SHANK2: variants seen among roughly 807,000 people sequenced by gnomAD.
SHANK2 encodes the protein SH3 and multiple ankyrin repeat domains protein 2.
A neutral mutation model predicts 133.7 loss-of-function variants in SHANK2; 43 were observed. The observed-to-expected ratio is 0.32, with a 90% confidence interval of 0.25 to 0.41. The LOEUF is 0.41. Among genes scored for constraint, SHANK2 ranks in the 10% least tolerant of loss-of-function variants. The pLI is 1.00. For missense variants in SHANK2, 1,994 were observed against 2,235.8 expected (o/e 0.89, Z 2.18); for synonymous variants, 1,017 against 952.8 (o/e 1.07, Z -1.24).
chr11:70,896,460 C>T (rs757074362), intron 11 of SHANK2, 41 bp downstream of exon 11: 4 of 693,904 alleles, frequency 5.8e-6, no homozygotes, highest in Non-Finnish European at 1.1e-5. Context: ...AGAGCATCTC[C>T]AAACCAAATC....
At chr11:70,902,362 G>A (rs1235905287) in intron 10 of SHANK2, among the ~76,000 whole-genome samples, 1 of 152,216 alleles carries the variant, frequency 6.6e-6, no homozygotes, top group Non-Finnish European at 1.5e-5. Context: ...GAGGGGCGGG[G>A]CCTCCAGGGA....
intron 14 of SHANK2, among the ~76,000 whole-genome samples, chr11:70,743,303 G>A (rs898453416): frequency 6.6e-6 from 1 of 152,234 alleles, no homozygotes; most frequent in Non-Finnish European, 1.5e-5. Context: ...GTGTCTGGAG[G>A]TGGGGGCTTT....
At chr11:70,697,218 C>T (rs1945412462) in intron 15 of SHANK2, among the ~76,000 whole-genome samples, 1 of 152,180 alleles carries the variant, frequency 6.6e-6, no homozygotes, top group African/African-American at 2.4e-5. Flanking sequence ...TGTGAATGTT[C>T]TTAATACCAC....
At chr11:71,234,560 G>A (rs3020024) in intron 1 of SHANK2, among the ~76,000 whole-genome samples, 17,402 of 151,920 alleles carry the variant, frequency 0.11, 2,841 homozygotes, top group African/African-American at 0.36. Flanking sequence ...GCTGGACTCC[G>A]AGTCGGGGGG....
At chr11:70,932,386 C>T (rs7946647) in intron 10 of SHANK2, among the ~76,000 whole-genome samples, 51,087 of 152,220 alleles carry the variant, frequency 0.34, 11,616 homozygotes, top group African/African-American at 0.65. Context: ...AGACCCCCTC[C>T]GCAGCAGAAG....
At chr11:70,883,508 T>A (rs1555072794) in intron 11 of SHANK2, among the ~76,000 whole-genome samples, 1 of 152,034 alleles carries the variant, frequency 6.6e-6, no homozygotes, top group African/African-American at 2.4e-5. Context: ...AGAAATGACA[T>A]GGGCAGGGAC....
chr11:71,177,992 G>A lies in SHANK2; in HGVS notation c.-12-30654C>T, dbSNP rs574840106. Reference sequence around the variant, plus strand: ...TGCACTGCTAGTAGAAATGTAAATGGCGTGGCCACTATGGAAAATAGGATA... The same window carrying A: ...TGCACTGCTAGTAGAAATGTAAATGACGTGGCCACTATGGAAAATAGGATA... On this transcript the variant is annotated intron_variant, in intron 2 of 25. Coordinates refer to ENST00000601538, the MANE Select transcript of SHANK2 (RefSeq NM_012309.5). Among the ~76,000 whole-genome samples the A allele has an allele frequency of 2.0e-5, 3 of 152,330 alleles. No homozygotes were observed. In the South Asian group the frequency reaches 6.2e-4, roughly 32 times the overall value.
chr11:70,789,097 C>T (rs763971273), intron 14 of SHANK2, among the ~76,000 whole-genome samples: 7 of 152,108 alleles, frequency 4.6e-5, no homozygotes, highest in Non-Finnish European at 8.8e-5. Flanking sequence ...GGAGAGTCCA[C>T]GGCAGGGATT....
chr11:70,820,768 C>T (rs1471939399), intron 11 of SHANK2, 86 bp from the exon 12 acceptor site: 10 of 586,858 alleles, frequency 1.7e-5, no homozygotes, highest in Non-Finnish European at 3.0e-5. Context: ...TGCAGGCCTG[C>T]GTGCGTCCAA....
intron 2 of SHANK2, among the ~76,000 whole-genome samples, chr11:71,172,912 A>G (rs1410040614): frequency 6.6e-6 from 1 of 152,252 alleles, no homozygotes; most frequent in African/African-American, 2.4e-5. Flanking sequence ...ATGCACGAGC[A>G]CAGCAAATTC....
At chr11:70,808,534 G>A (rs1555052501) in intron 12 of SHANK2, among the ~76,000 whole-genome samples, 1 of 145,646 alleles carries the variant, frequency 6.9e-6, no homozygotes, top group Non-Finnish European at 1.5e-5. Context: ...AGACTAGCCT[G>A]GGCAACATGA....
chr11:70,600,709 T>C (rs937087012), intron 17 of SHANK2, among the ~76,000 whole-genome samples: 6 of 152,122 alleles, frequency 3.9e-5, no homozygotes, highest in Admixed American at 3.9e-4. Flanking sequence ...ATTCCACCAA[T>C]GCTGCTGGAA....
chr11:71,068,029 C>T lies in SHANK2; in HGVS notation c.1029+7130G>A, dbSNP rs925574196. On this transcript the variant is annotated intron_variant, in intron 9 of 25. Transcript: ENST00000601538. ...CCATCCATATCATCACTAGCATCAT[C>T]GCCACCATCGCCATCACAACCATCA... Among the ~76,000 whole-genome samples, 31 of 152,026 alleles carry T rather than the reference C, an allele frequency of 2.0e-4. No individual in the cohort carries two copies. In the East Asian group the frequency reaches 4.6e-3, roughly 23 times the overall value.
At position 70,599,889 on chromosome 11, in the gene SHANK2, A is replaced by AAGAAAGAAAGAG. The variant is rs376412663; in HGVS notation, c.2061+59938_2061+59939insCTCTTTCTTTCT. 3.5e-4 allele frequency among the ~76,000 whole-genome samples: 26 copies of AAGAAAGAAAGAG among 73,624 alleles called. 2 individuals carry two copies. The highest frequency in any genetic ancestry group is 1.5e-3 in the African/African-American group (26 of 17,256). The allele number at this position is 73,624 out of a possible 152,430, so 48.3% of individuals were successfully genotyped here. On this transcript the variant is annotated intron_variant, in intron 17 of 25. Transcript: ENST00000601538. ...AAAGAAAGAAAGAAAGAAAGAAAGAAAAAGAAAGAAAGAAAGAGAAAGAAA... is the reference window on the plus strand; with the variant it reads ...AAAGAAAGAAAGAAAGAAAGAAAGAAAGAAAGAAAGAGAAAGAAAGAAAGAAAGAGAAAGAAA...
intron 3 of SHANK2, among the ~76,000 whole-genome samples, 187 bp downstream of exon 3, chr11:71,146,933 G>A (rs1952660916): frequency 6.6e-6 from 1 of 152,174 alleles, no homozygotes; most frequent in Non-Finnish European, 1.5e-5. Context: ...AGCGGCAGCA[G>A]GGAGGGGAGG....
chr11:70,840,427 C>T (rs79134470), intron 11 of SHANK2, among the ~76,000 whole-genome samples: 22 of 152,318 alleles, frequency 1.4e-4, no homozygotes, highest in Admixed American at 5.9e-4. Flanking sequence ...GGCTAGAATG[C>T]ACCCCAAAAG....
chr11:70,510,418 C>A (rs782600111), intron 17 of SHANK2, among the ~76,000 whole-genome samples: 6 of 152,214 alleles, frequency 3.9e-5, no homozygotes. Flanking sequence ...TGTAGCAGAG[C>A]TTTTGCCCTT....
chr11:71,110,997 C>T (rs1408272929), intron 5 of SHANK2, among the ~76,000 whole-genome samples: 1 of 152,248 alleles, frequency 6.6e-6, no homozygotes, highest in Non-Finnish European at 1.5e-5. Context: ...CGTGAAGACA[C>T]AGCAAGACAA....
chr11:70,701,096 T>C (rs1484064526), intron 14 of SHANK2, among the ~76,000 whole-genome samples: 2 of 152,192 alleles, frequency 1.3e-5, no homozygotes, highest in Non-Finnish European at 2.9e-5. Context: ...TGCAGGATCC[T>C]GGCTGAAATC....
Sources: gnomAD v4.1 joint callset for allele counts (sites outside exome capture counted in the v4.1 genomes callset) on GRCh38, gnomAD v4.1.1 for gene constraint, MANE v1.5 for transcripts, NCBI Gene and HGNC (gene_info 2026-07-23, HGNC 2026-07-21) for gene names.